TOX: variants seen among roughly 807,000 people sequenced by gnomAD.
TOX encodes thymocyte selection associated high mobility group box, also known as thymocyte selection-associated high mobility group box protein TOX.
Under a neutral mutation model 53.7 loss-of-function variants are expected in TOX, and 11 were observed. That is an observed-to-expected ratio of 0.20 (90% CI 0.13 to 0.34). The LOEUF (loss-of-function observed/expected upper bound fraction) is 0.34. TOX is among the 10% of genes least tolerant of loss of function. The pLI is 1.00. For synonymous variants in TOX, 225 were observed against 245.3 expected, an observed-to-expected ratio of 0.92 and a Z score of 0.77; for missense variants, 570 against 664.6, an observed-to-expected ratio of 0.86 and a Z score of 1.56.
At chr8:59,079,739 A>G (rs1184075631) in intron 1 of TOX, among the ~76,000 whole-genome samples, 1 of 152,152 alleles carries the variant, frequency 6.6e-6, no homozygotes, top group Non-Finnish European at 1.5e-5. Context: ...TGGGGTTAGA[A>G]GCCCCACACA....
intron 7 of TOX, among the ~76,000 whole-genome samples, chr8:58,815,017 T>C (rs1810150135): frequency 6.6e-6 from 1 of 152,146 alleles, no homozygotes; most frequent in South Asian, 2.1e-4. Context: ...AAATAACAAA[T>C]GTACTTTACT....
At chr8:59,092,280 T>TTATATATAC (rs1804626987) in intron 1 of TOX, among the ~76,000 whole-genome samples, 1 of 117,076 alleles carries the variant, frequency 8.5e-6, no homozygotes, top group African/African-American at 3.7e-5. Flanking sequence ...TATATATATA[T>TTATATATAC]ATTATATATA....
At chr8:58,882,537 ATTGTC>A (rs1431357542) in intron 3 of TOX, among the ~76,000 whole-genome samples, 1 of 152,200 alleles carries the variant, frequency 6.6e-6, no homozygotes, top group Non-Finnish European at 1.5e-5. Context: ...TTGCTCTGCA[ATTGTC>A]TAAGCTTTTA....
At chr8:58,873,033 T>C (rs1366194972) in intron 3 of TOX, among the ~76,000 whole-genome samples, 1 of 152,118 alleles carries the variant, frequency 6.6e-6, no homozygotes, top group East Asian at 1.9e-4. Context: ...AAACTTATTT[T>C]TAAAAATTGC....
intron 1 of TOX, among the ~76,000 whole-genome samples, chr8:59,063,372 C>T (rs1804024886): frequency 6.6e-6 from 1 of 150,842 alleles, no homozygotes; most frequent in Admixed American, 6.6e-5. Flanking sequence ...TTCCAAAAGA[C>T]TGAACGATGG....
intron 1 of TOX, among the ~76,000 whole-genome samples, chr8:59,071,785 G>T (rs145973344): frequency 6.6e-6 from 1 of 152,088 alleles, no homozygotes; most frequent in Non-Finnish European, 1.5e-5. Context: ...TCTACTCATC[G>T]AGTAGCTCAA....
chr8:58,964,405 C>A (rs1239652400), intron 1 of TOX, among the ~76,000 whole-genome samples: 1 of 152,144 alleles, frequency 6.6e-6, no homozygotes, highest in Non-Finnish European at 1.5e-5. Context: ...TCCCAGCATT[C>A]ACAGGACCTT....
intron 1 of TOX, among the ~76,000 whole-genome samples, chr8:59,038,741 T>A (rs1164910564): frequency 1.3e-5 from 2 of 152,226 alleles, no homozygotes; most frequent in Non-Finnish European, 2.9e-5. Flanking sequence ...GCTGGTGCAC[T>A]ACCCCCACAG....
chr8:58,887,878 G>A (rs1811497800), intron 3 of TOX, among the ~76,000 whole-genome samples: 1 of 151,950 alleles, frequency 6.6e-6, no homozygotes, highest in Admixed American at 6.6e-5. Context: ...GCACACTTAG[G>A]TGTTGTTTAA....
chr8:58,856,852 C>T (rs1193478238), intron 3 of TOX, among the ~76,000 whole-genome samples: 1 of 151,710 alleles, frequency 6.6e-6, no homozygotes, highest in African/African-American at 2.4e-5. Context: ...ACGCTGAAGG[C>T]ACAAGAAAGG....
At chr8:59,018,482 G>A (rs1290062276) in intron 1 of TOX, among the ~76,000 whole-genome samples, 1 of 152,192 alleles carries the variant, frequency 6.6e-6, no homozygotes, top group African/African-American at 2.4e-5. Flanking sequence ...TGGATAGTAT[G>A]TCACGCTCCA....
chr8:58,957,159 G>C (rs1585923812), intron 2 of TOX, among the ~76,000 whole-genome samples: 1 of 152,134 alleles, frequency 6.6e-6, no homozygotes, highest in East Asian at 1.9e-4. Context: ...TAAGCAACAA[G>C]GTGCCTTTAG....
At chr8:59,051,657 A>T (rs1803791052) in intron 1 of TOX, among the ~76,000 whole-genome samples, 1 of 152,164 alleles carries the variant, frequency 6.6e-6, no homozygotes, top group Non-Finnish European at 1.5e-5. Context: ...TAGCAAACAA[A>T]TAAAGAAAAT....
At chr8:58,811,744 A>G (rs1810080356) in intron 7 of TOX, among the ~76,000 whole-genome samples, 1 of 152,232 alleles carries the variant, frequency 6.6e-6, no homozygotes, top group Admixed American at 6.5e-5. Context: ...GTTGACAGAT[A>G]TTAATGATTT....
intron 3 of TOX, among the ~76,000 whole-genome samples, chr8:58,876,541 C>A (rs1401421919): frequency 6.6e-6 from 1 of 152,088 alleles, no homozygotes; most frequent in Non-Finnish European, 1.5e-5. Flanking sequence ...TTACTTTAAT[C>A]TGATTGTTTT....
intron 1 of TOX, among the ~76,000 whole-genome samples, chr8:59,049,007 C>G: frequency 6.6e-6 from 1 of 151,806 alleles, no homozygotes; most frequent in Non-Finnish European, 1.5e-5. Flanking sequence ...GTCATGAGCT[C>G]TTTTCAGCTA....
chr8:58,838,412 A>G, intron 4 of TOX, 101 bp from the exon 5 acceptor site: 1 of 891,990 alleles, frequency 1.1e-6, no homozygotes, highest in East Asian at 2.4e-5. Context: ...ACCCATTCAC[A>G]TCACTCAAAC....
At chr8:59,054,920 GAAAGAAAGAA>G (rs1271699650) in intron 1 of TOX, among the ~76,000 whole-genome samples, 3 of 115,502 alleles carry the variant, frequency 2.6e-5, no homozygotes, top group Admixed American at 1.2e-4. Context: ...GAAAGAGAAA[GAAAGAAAGAA>G]AAAGAAAGAA....
rs1810017546 is a variant in TOX at position 58,808,113 on chromosome 8, C to T, written c.1544+5G>A. The T allele has an allele frequency of 1.9e-6, 3 of 1,607,748 alleles. No individual in the cohort carries two copies. The highest frequency in any genetic ancestry group is 1.7e-6 in the Non-Finnish European group (2 of 1,177,460). ...ACCACCAGGTGGCGATGACCGGCCG[C>T]TTACCCACTACTGCAGTAGTCGTTA... On this transcript the variant is annotated splice_donor_5th_base_variant and intron_variant, in intron 8 of 8. Coordinates refer to ENST00000361421, the MANE Select transcript of TOX (RefSeq NM_014729.3).
Sources: allele counts gnomAD v4.1 joint callset (sites outside exome capture counted in the v4.1 genomes callset), GRCh38; gene constraint gnomAD v4.1.1; transcripts MANE v1.5; gene names NCBI Gene and HGNC (gene_info 2026-07-23, HGNC 2026-07-21).